The following MROH1 variants were observed in gnomAD, a reference collection of about 807,000 sequenced individuals.
The protein encoded by MROH1 is maestro heat like repeat family member 1.
MROH1 carries 117 observed loss-of-function variants against 116.5 expected under a neutral mutation model. The observed-to-expected ratio is 1.00, with a 90% CI of 0.86 to 1.17. MROH1 has a LOEUF of 1.17. Ranked by LOEUF, MROH1 falls within the 50% of genes most tolerant of loss-of-function variation. MROH1 has a pLI of 0.00. For missense variants in MROH1, 1,873 were observed against 1,338.5 expected (o/e 1.40, Z -6.23); for synonymous variants, 921 against 583.9 (o/e 1.58, Z -8.32).
intron 14 of MROH1, among the ~76,000 whole-genome samples, chr8:144,236,029 G>A (rs1243387113): frequency 3.9e-5 from 6 of 152,110 alleles, no homozygotes; most frequent in African/African-American, 7.2e-5. Flanking sequence ...GCACTTCCTC[G>A]GTCATCCCAG....
At chr8:144,250,869 A>C (rs1588493334) in intron 33 of MROH1, 4 of 241,288 alleles carry the variant, frequency 1.7e-5, no homozygotes, top group Non-Finnish European at 2.5e-5. Flanking sequence ...CCAAGCTCAC[A>C]CCTCCCAGCT....
chr8:144,168,018 C>G (rs1480277746), intron 3 of MROH1, among the ~76,000 whole-genome samples: 1 of 152,174 alleles, frequency 6.6e-6, no homozygotes, highest in Non-Finnish European at 1.5e-5. Flanking sequence ...TCGCTCAACC[C>G]TGATGGGCTA....
chr8:144,223,043 G>C, intron 13 of MROH1, 65 bp from the exon 14 acceptor site: 2 of 1,601,648 alleles, frequency 1.2e-6, no homozygotes, highest in African/African-American at 1.3e-5. Flanking sequence ...GTTCCTCTCT[G>C]CTGGCTGGAC....
intron 12 of MROH1, among the ~76,000 whole-genome samples, chr8:144,210,165 G>A (rs1588195639): frequency 6.6e-6 from 1 of 151,808 alleles, no homozygotes; most frequent in South Asian, 2.1e-4. Flanking sequence ...ATGGCCGGGT[G>A]CGGTGGCTCA....
chr8:144,199,472 T>G (rs1005412930), intron 11 of MROH1, among the ~76,000 whole-genome samples: 1 of 152,106 alleles, frequency 6.6e-6, no homozygotes, highest in Admixed American at 6.6e-5. Flanking sequence ...GTCTGCACAT[T>G]CCCTACCTGC....
At chr8:144,184,734 C>T (rs2131429916) in intron 7 of MROH1, among the ~76,000 whole-genome samples, 1 of 152,294 alleles carries the variant, frequency 6.6e-6, no homozygotes, top group South Asian at 2.1e-4. Flanking sequence ...GTCAGGTGAG[C>T]TGGCCGAGCA....
intron 13 of MROH1, 75 bp from the exon 14 acceptor site, chr8:144,223,033 G>T (rs947579391): frequency 1.9e-6 from 3 of 1,588,444 alleles, no homozygotes; most frequent in East Asian, 2.3e-5. Flanking sequence ...GAAGACTGAG[G>T]TTCCTCTCTG....
intron 14 of MROH1, among the ~76,000 whole-genome samples, chr8:144,234,962 G>A (rs947251525): frequency 2.0e-4 from 27 of 133,904 alleles, no homozygotes; most frequent in African/African-American, 6.6e-4. Context: ...GCACCCTCTC[G>A]GCTCACTGTG....
chr8:144,244,613 C>A, intron 28 of MROH1, 74 bp downstream of exon 28: 1 of 714,440 alleles, frequency 1.4e-6, no homozygotes, highest in South Asian at 1.5e-5. Context: ...CTGGCCCTCT[C>A]TCCACATGTG....
intron 7 of MROH1, among the ~76,000 whole-genome samples, chr8:144,186,448 C>T (rs1320125361): frequency 1.3e-5 from 2 of 152,108 alleles, no homozygotes; most frequent in Non-Finnish European, 1.5e-5. Flanking sequence ...ACCTGAGCAT[C>T]ACCACAAAAG....
chr8:144,170,700 C>T (rs1206457309), intron 4 of MROH1, among the ~76,000 whole-genome samples: 2 of 152,248 alleles, frequency 1.3e-5, no homozygotes, highest in African/African-American at 2.4e-5. Context: ...GTTTCAGCTC[C>T]TGTCTGGCGT....
intron 3 of MROH1, among the ~76,000 whole-genome samples, chr8:144,167,743 A>G (rs1821310702): frequency 6.6e-6 from 1 of 152,182 alleles, no homozygotes; most frequent in Non-Finnish European, 1.5e-5. Context: ...TGAGAGCCAT[A>G]GGATGAGGCT....
At chr8:144,227,362 G>A (rs1203131032) in intron 14 of MROH1, among the ~76,000 whole-genome samples, 1 of 152,184 alleles carries the variant, frequency 6.6e-6, no homozygotes, top group Non-Finnish European at 1.5e-5. Flanking sequence ...GGGGCTGGGC[G>A]CAGTGGCTCA....
chr8:144,181,278 A>AGTGAGGGGGGAGGGGCCCG (rs1825581059), intron 7 of MROH1, among the ~76,000 whole-genome samples: 2 of 95,788 alleles, frequency 2.1e-5, no homozygotes, highest in African/African-American at 4.9e-5. Context: ...GGGAGGACCC[A>AGTGAGGGGGGAGGGGCCCG]GTGATGGGGG....
In MROH1 at chr8:144,180,297, C is replaced by T. The variant is rs1825248292; in HGVS notation, c.420C>T (p.His140=). 1 of 1,607,708 alleles carries T rather than the reference C, an allele frequency of 6.2e-7. No homozygotes were observed. Among genetic ancestry groups the T allele is most frequent in the African/African-American group, 1.3e-5 (1 of 74,844 alleles). ...GGCTGCACCCTGGGACCCTGCCACA[C>T]TGCGCCGTGCTGCACACCCTCGCCA... The part of the protein sequence containing the change: ...LRRLHPGTLP[H]CAVLHTLASL... Residue 140 remains histidine (H), a synonymous_variant, in exon 6 of 44, where the codon CAC becomes CAT. Coordinates refer to ENST00000326134, the MANE Select transcript of MROH1 (RefSeq NM_032450.3). The surrounding 1 kb of genome is among the most constrained non-coding windows in gnomAD (Gnocchi z 7.4).
intron 4 of MROH1, among the ~76,000 whole-genome samples, chr8:144,169,109 A>G (rs912742870): frequency 6.6e-6 from 1 of 152,226 alleles, no homozygotes; most frequent in Non-Finnish European, 1.5e-5. Context: ...CACCGCTGAC[A>G]GCGTTAGCAC....
chr8:144,240,215 G>A, intron 19 of MROH1, 62 bp downstream of exon 19: 1 of 698,682 alleles, frequency 1.4e-6, no homozygotes, highest in South Asian at 1.6e-5. Flanking sequence ...GGGGGTGCTG[G>A]GGTGGCAGAG....
intron 35 of MROH1, 74 bp downstream of exon 35, chr8:144,255,779 G>A (rs1412944169): frequency 3.3e-5 from 23 of 687,812 alleles, no homozygotes; most frequent in Non-Finnish European, 5.7e-5. Flanking sequence ...CGCGTGGTGG[G>A]GGCGGACGGC....
intron 14 of MROH1, among the ~76,000 whole-genome samples, chr8:144,224,822 G>A (rs912004890): frequency 5.3e-5 from 8 of 152,182 alleles, no homozygotes; most frequent in Non-Finnish European, 1.2e-4. Context: ...GCTGGGCTCT[G>A]TGGTTCAGCC....
Sources: gnomAD v4.1 joint callset for allele counts (sites outside exome capture counted in the v4.1 genomes callset) on GRCh38, gnomAD v4.1.1 for gene constraint, Gnocchi (gnomAD v3.1) non-coding constraint, MANE v1.5 for transcripts, NCBI Gene and HGNC (gene_info 2026-07-23, HGNC 2026-07-21) for gene names.